Variants in MAD1L1 observed in about 807,000 individuals in gnomAD.
MAD1L1 encodes the protein mitotic spindle assembly checkpoint protein MAD1.
MAD1L1 carries 95 observed loss-of-function variants against 96.9 expected under a neutral mutation model. The ratio of observed to expected loss-of-function variants is 0.98; its 90% CI spans 0.83 to 1.16. The LOEUF (loss-of-function observed/expected upper bound fraction) is 1.16. MAD1L1 is among the 50% of genes most tolerant of loss of function. The pLI is 0.00. For missense variants in MAD1L1, 1,007 were observed against 954.4 expected, an observed-to-expected ratio of 1.06 and a Z score of -0.73; for synonymous variants, 473 against 396.6, an observed-to-expected ratio of 1.19 and a Z score of -2.29.
intron 7 of MAD1L1, 24 bp downstream of exon 7, chr7:2,217,938 A>G: frequency 6.3e-7 from 1 of 1,595,732 alleles, no homozygotes; most frequent in African/African-American, 1.3e-5. Context: ...GATGTCCACA[A>G]GGCACTGACA....
chr7:2,046,975 A>C (rs1336161154), intron 12 of MAD1L1, among the ~76,000 whole-genome samples: 1 of 152,200 alleles, frequency 6.6e-6, no homozygotes, highest in Non-Finnish European at 1.5e-5. Flanking sequence ...ACGACAAAGG[A>C]AACTGGAGGA....
chr7:2,031,806 T>C (rs1347972390), intron 12 of MAD1L1, among the ~76,000 whole-genome samples: 1 of 152,198 alleles, frequency 6.6e-6, no homozygotes, highest in African/African-American at 2.4e-5. Flanking sequence ...TGGCTCTATT[T>C]TGAGTGCAGT....
At chr7:1,938,496 G>A (rs1307316983) in intron 16 of MAD1L1, among the ~76,000 whole-genome samples, 3 of 152,140 alleles carry the variant, frequency 2.0e-5, no homozygotes, top group Non-Finnish European at 4.4e-5. Flanking sequence ...CAGAGCAGGA[G>A]GTGCTGTTTG....
chr7:2,045,122 G>A (rs937894641), intron 12 of MAD1L1, among the ~76,000 whole-genome samples: 2 of 152,158 alleles, frequency 1.3e-5, no homozygotes, highest in Non-Finnish European at 2.9e-5. Context: ...TGCCACCAGG[G>A]GCCAGAAAGG....
chr7:1,817,657 G>A (rs1208454611), intron 18 of MAD1L1, among the ~76,000 whole-genome samples: 2 of 152,318 alleles, frequency 1.3e-5, no homozygotes, highest in South Asian at 4.1e-4. Flanking sequence ...TGAATGTGCC[G>A]GGAGGAACGG....
intron 18 of MAD1L1, chr7:1,847,675 C>T (rs1344656638): frequency 2.1e-6 from 1 of 470,770 alleles, no homozygotes; most frequent in Admixed American, 2.3e-5. Context: ...AGCCTGGACG[C>T]ATACACTGGG....
At chr7:2,131,633 C>T (rs531980691) in intron 11 of MAD1L1, among the ~76,000 whole-genome samples, 37 of 152,368 alleles carry the variant, frequency 2.4e-4, no homozygotes, top group African/African-American at 3.8e-4. Flanking sequence ...ACATTCGTGC[C>T]TGCACCAGCT....
At chr7:1,833,370 G>A (rs1222570103) in intron 18 of MAD1L1, among the ~76,000 whole-genome samples, 1 of 152,178 alleles carries the variant, frequency 6.6e-6, no homozygotes. Flanking sequence ...AATGATAAAA[G>A]CGTCCATTTA....
At chr7:2,107,607 G>C (rs1428297223) in intron 11 of MAD1L1, 1 of 152,370 alleles carries the variant, frequency 6.6e-6, no homozygotes, top group East Asian at 1.9e-4. Context: ...GTCCCGCTTG[G>C]TCACCCCTGC....
chr7:1,898,267 G>A lies in MAD1L1; in HGVS notation c.1931C>T (p.Thr644Ile), dbSNP rs564974181. ...GGTCAGCCGGTACTGGTTCTCCGTG[G>A]TGATGTCGATCTGGTAGCCGGTGAG... ...YTLTGYQIDI[T>I]TENQYRLTSL... The change falls in exon 18 of 19, where the codon ACC (threonine) becomes ATC (isoleucine). Residue 644 changes from threonine (T) to isoleucine (I), a missense_variant. Coordinates refer to ENST00000265854, the MANE Select transcript of MAD1L1 (RefSeq NM_001013836.2). 2.5e-6 allele frequency: 4 copies of A among 1,614,176 alleles called. No homozygotes were observed. The African/African-American group carries it at 5.3e-5, about 22-fold the overall frequency.
chr7:2,043,458 C>A (rs925972145), intron 12 of MAD1L1, among the ~76,000 whole-genome samples: 4 of 152,244 alleles, frequency 2.6e-5, no homozygotes, highest in African/African-American at 9.6e-5. Flanking sequence ...GCAATCTGTT[C>A]TGACAATCCC....
At chr7:1,928,624 C>T (rs890424876) in intron 17 of MAD1L1, among the ~76,000 whole-genome samples, 41 of 152,232 alleles carry the variant, frequency 2.7e-4, no homozygotes, top group Admixed American at 7.2e-4. Context: ...CACTAACTGC[C>T]GAACAGGGCT....
At chr7:1,878,732 C>G (rs1304169688) in intron 18 of MAD1L1, among the ~76,000 whole-genome samples, 3 of 34,136 alleles carry the variant, frequency 8.8e-5, no homozygotes, top group African/African-American at 1.3e-4. Context: ...GTAAAAATGT[C>G]CCCCCCCCCC....
intron 3 of MAD1L1, among the ~76,000 whole-genome samples, chr7:2,228,962 T>C (rs1265549391): frequency 2.0e-5 from 3 of 152,082 alleles, no homozygotes; most frequent in Non-Finnish European, 2.9e-5. Context: ...CTTGATCTCC[T>C]GACCTCATGA....
chr7:1,875,518 C>A (rs971763462), intron 18 of MAD1L1, among the ~76,000 whole-genome samples: 2 of 152,160 alleles, frequency 1.3e-5, no homozygotes, highest in African/African-American at 2.4e-5. Flanking sequence ...GCTGGCAGAA[C>A]CTTCCGCTGC....
At chr7:1,888,715 G>A (rs564401957) in intron 18 of MAD1L1, among the ~76,000 whole-genome samples, 15 of 152,168 alleles carry the variant, frequency 9.9e-5, no homozygotes, top group African/African-American at 2.7e-4. Context: ...GTGGCTGCCC[G>A]TGCATGTGGG....
chr7:1,926,099 G>A (rs1006988973), intron 17 of MAD1L1, among the ~76,000 whole-genome samples: 5 of 152,150 alleles, frequency 3.3e-5, no homozygotes, highest in Non-Finnish European at 7.3e-5. Flanking sequence ...CAGCAGGCAC[G>A]ATAAAATCAG....
At chr7:2,227,353 G>A (rs1584603520) in intron 3 of MAD1L1, among the ~76,000 whole-genome samples, 10 of 152,164 alleles carry the variant, frequency 6.6e-5, no homozygotes, top group Admixed American at 6.6e-4. Flanking sequence ...ACATGCACAT[G>A]AAAGGTTGAG....
chr7:1,918,826 G>A lies in MAD1L1; in HGVS notation c.1807+17861C>T, dbSNP rs561353684. ...CCCACCTGAGGAGACCACAGCTCCC[G>A]GCCCCAGGGCGACTGGTGCTGTGGC... On this transcript the variant is annotated intron_variant, in intron 17 of 18. Transcript: ENST00000265854. Among the ~76,000 whole-genome samples the A allele has an allele frequency of 8.9e-4, 136 of 152,320 alleles. No individual in the cohort carries two copies. The Middle Eastern group carries it at 0.01, about 11-fold the overall frequency.
Sources: gnomAD v4.1 joint callset for allele counts (sites outside exome capture counted in the v4.1 genomes callset) on GRCh38, gnomAD v4.1.1 for gene constraint, MANE v1.5 for transcripts, NCBI Gene and HGNC (gene_info 2026-07-23, HGNC 2026-07-21) for gene names.